NFIC: variants seen among roughly 807,000 people sequenced by gnomAD.
The protein encoded by NFIC is nuclear factor I C.
In NFIC, 12 loss-of-function variants were observed where a neutral mutation model predicts 54.4. The observed-to-expected ratio is 0.22, with a 90% CI of 0.14 to 0.36. The LOEUF (loss-of-function observed/expected upper bound fraction) is 0.36, where lower values mean the gene tolerates loss of function less well. Among genes scored for constraint, NFIC ranks in the 10% least tolerant of loss-of-function variants. The pLI, the probability that NFIC is intolerant of heterozygous loss-of-function variation, is 1.00. For missense variants in NFIC, 575 were observed against 718.2 expected, an observed-to-expected ratio of 0.80 and a Z score of 2.28; for synonymous variants, 322 against 319.2, an observed-to-expected ratio of 1.01 and a Z score of -0.09.
chr19:3,388,340 A>T (rs557472086), intron 2 of NFIC, among the ~76,000 whole-genome samples: 2 of 152,200 alleles, frequency 1.3e-5, no homozygotes, highest in South Asian at 2.1e-4. Flanking sequence ...TCTGTGTGCC[A>T]GGCTCCGAGG....
At chr19:3,361,738 G>A (rs567429964), upstream of NFIC, among the ~76,000 whole-genome samples, 11 of 151,998 alleles carry the variant, frequency 7.2e-5, no homozygotes, top group East Asian at 1.4e-3. Context: ...ATCTCCCTCC[G>A]CACTCCCGGA....
Position 3,464,014 on chromosome 19 carries a change from G to C in NFIC, c.*1245G>C. The C allele has an allele frequency of 1.0e-6, 1 of 985,326 alleles. No homozygotes were observed. Among genetic ancestry groups the C allele is most frequent in the Non-Finnish European group, 1.2e-6 (1 of 829,956 alleles). 61.0% of individuals were successfully genotyped at this position (985,326 alleles called of 1,614,324 possible). A position where few individuals can be genotyped will look rare whatever the true frequency, so the allele number is the denominator to read the frequency against. On this transcript the variant is annotated 3_prime_UTR_variant, in exon 11 of 11. Coordinates refer to ENST00000443272, the MANE Select transcript of NFIC (RefSeq NM_001245002.2). ...CGTGGCCCGAGGGGCAGAGCTGGGC[G>C]TCACTTCGCAAGCGTCCTGCCCTGC...
intron 2 of NFIC, among the ~76,000 whole-genome samples, chr19:3,395,501 T>TG (rs1350888897): frequency 6.7e-6 from 1 of 150,102 alleles, no homozygotes; most frequent in African/African-American, 2.4e-5. Context: ...GATTTTTTTT[T>TG]TTTTTTTTTA....
chr19:3,393,816 CAAAAAA>C (rs35101011), intron 2 of NFIC, among the ~76,000 whole-genome samples: 6 of 55,720 alleles, frequency 1.1e-4, no homozygotes, highest in African/African-American at 3.4e-4. Flanking sequence ...GACTCTGTCT[CAAAAAA>C]AAAAAAAAAA....
chr19:3,407,600 A>G (rs552481415), intron 2 of NFIC, among the ~76,000 whole-genome samples: 1 of 151,832 alleles, frequency 6.6e-6, no homozygotes, highest in Non-Finnish European at 1.5e-5. Flanking sequence ...ACGCCTGGCT[A>G]ATTTTTGTGT....
upstream of NFIC, among the ~76,000 whole-genome samples, chr19:3,363,875 C>A (rs145905373): frequency 1.5e-4 from 23 of 152,336 alleles, 1 homozygote; most frequent in East Asian, 4.2e-3. Context: ...AGAGAGCGAT[C>A]CAGCCCCAGT....
At chr19:3,403,966 C>T (rs2081598740) in intron 2 of NFIC, among the ~76,000 whole-genome samples, 1 of 152,192 alleles carries the variant, frequency 6.6e-6, no homozygotes, top group African/African-American at 2.4e-5. Context: ...CCCGTGTGTG[C>T]GCTCAGCCAG....
intron 1 of NFIC, among the ~76,000 whole-genome samples, chr19:3,368,551 C>T (rs2080938254): frequency 6.6e-6 from 1 of 152,196 alleles, no homozygotes; most frequent in South Asian, 2.1e-4. Context: ...GAGACAGAGG[C>T]AGAGAGCTCC....
chr19:3,403,092 G>A (rs570576250), intron 2 of NFIC, among the ~76,000 whole-genome samples: 10 of 152,326 alleles, frequency 6.6e-5, no homozygotes, highest in African/African-American at 2.4e-4. Context: ...GGTGCCTACT[G>A]TGTGCCAGGC....
intron 2 of NFIC, among the ~76,000 whole-genome samples, chr19:3,419,085 C>T (rs1022119493): frequency 4.6e-5 from 7 of 150,918 alleles, no homozygotes; most frequent in Admixed American, 6.6e-5. Context: ...GGGGAGGGGA[C>T]GGGGAGTGAG....
chr19:3,422,262 C>T (rs1212025954), intron 2 of NFIC, among the ~76,000 whole-genome samples: 1 of 151,186 alleles, frequency 6.6e-6, no homozygotes, highest in African/African-American at 2.4e-5. Context: ...TTTGTAAAAA[C>T]GGGGTCTCAC....
At chr19:3,372,664 T>C (rs1232205863) in intron 1 of NFIC, among the ~76,000 whole-genome samples, 2 of 141,678 alleles carry the variant, frequency 1.4e-5, no homozygotes, top group Non-Finnish European at 3.0e-5. Flanking sequence ...CAGGTGTCAC[T>C]GGACGCTCTG....
At chr19:3,445,126 C>T (rs2082355362) in intron 6 of NFIC, among the ~76,000 whole-genome samples, 1 of 152,158 alleles carries the variant, frequency 6.6e-6, no homozygotes, top group South Asian at 2.1e-4. Flanking sequence ...CACAGACATG[C>T]ACACATGCAT....
chr19:3,417,983 C>T (rs1599651237), intron 2 of NFIC, among the ~76,000 whole-genome samples: 1 of 151,906 alleles, frequency 6.6e-6, no homozygotes, highest in African/African-American at 2.4e-5. Context: ...GAATATTCCT[C>T]GCTGATGGCA....
chr19:3,372,930 C>T (rs773643716), intron 1 of NFIC, among the ~76,000 whole-genome samples: 41 of 152,076 alleles, frequency 2.7e-4, no homozygotes, highest in Non-Finnish European at 5.0e-4. Context: ...CTGCAACCTC[C>T]GCCTCCCGGG....
At chr19:3,373,620 C>G (rs988169399) in intron 1 of NFIC, among the ~76,000 whole-genome samples, 39 of 134,004 alleles carry the variant, frequency 2.9e-4, no homozygotes, top group Admixed American at 7.5e-4. Context: ...TTCCTGGACC[C>G]CCCCCCCAAG....
At chr19:3,461,551 G>C (rs542449786) in intron 10 of NFIC, among the ~76,000 whole-genome samples, 1 of 149,732 alleles carries the variant, frequency 6.7e-6, no homozygotes, top group African/African-American at 2.5e-5. Context: ...GGCGAAACCC[G>C]GTCTCTACTA....
rs57948823 is a variant in NFIC, at chr19:3,429,253, TACACACACACACAC to T, written c.634+4105_634+4118del. Among the ~76,000 whole-genome samples the T allele has an allele frequency of 1.1e-3, 56 of 50,812 alleles. 5 individuals carry two copies. Among genetic ancestry groups the T allele is most frequent in the African/African-American group, 4.5e-3 (50 of 11,068 alleles). The allele number at this position is 50,812 out of a possible 152,430, so 33.3% of individuals were successfully genotyped here. A position where few individuals can be genotyped will look rare whatever the true frequency, so the allele number is the denominator to read the frequency against. On this transcript the variant is annotated intron_variant, in intron 3 of 10. Coordinates refer to ENST00000443272, the MANE Select transcript of NFIC (RefSeq NM_001245002.2). ...CCCCAAAAAAAAAAAAAAAAATATA[TACACACACACACAC>T]ACACACACACACACACACACACACA...
chr19:3,384,140 G>A (rs1388127593), intron 2 of NFIC, among the ~76,000 whole-genome samples: 1 of 143,742 alleles, frequency 7.0e-6, no homozygotes, highest in Non-Finnish European at 1.5e-5. Context: ...CTGTAGCCTC[G>A]ACCTCCCAGG....
Sources: allele counts gnomAD v4.1 joint callset (sites outside exome capture counted in the v4.1 genomes callset), GRCh38; gene constraint gnomAD v4.1.1; transcripts MANE v1.5; gene names NCBI Gene and HGNC (gene_info 2026-07-23, HGNC 2026-07-21).